RNF150: variants seen among roughly 807,000 people sequenced by gnomAD.
RNF150 encodes the protein ring finger protein 150.
Under a neutral mutation model 39.3 loss-of-function variants are expected in RNF150, and 24 were observed. The observed-to-expected ratio is 0.61, with a 90% CI of 0.44 to 0.86. The LOEUF is 0.86. RNF150 is among the 40% of genes least tolerant of loss of function. The pLI, the probability that RNF150 is intolerant of heterozygous loss-of-function variation, is 0.00. For missense variants in RNF150, 502 were observed against 587.8 expected, an observed-to-expected ratio of 0.85 and a Z score of 1.51; for synonymous variants, 255 against 227.3, an observed-to-expected ratio of 1.12 and a Z score of -1.10.
chr4:141,209,758 G>A (rs1254399268), intron 1 of RNF150, among the ~76,000 whole-genome samples: 2 of 151,924 alleles, frequency 1.3e-5, no homozygotes, highest in African/African-American at 4.8e-5. Context: ...CCAAAATGGG[G>A]GGGTATCTAT....
intron 1 of RNF150, among the ~76,000 whole-genome samples, chr4:141,152,387 A>G (rs1169926984): frequency 6.6e-6 from 1 of 152,228 alleles, no homozygotes; most frequent in Non-Finnish European, 1.5e-5. Flanking sequence ...TTAGGAGGGA[A>G]TATTCCATCC....
At chr4:140,975,365 T>G (rs1733624564) in intron 1 of RNF150, among the ~76,000 whole-genome samples, 1 of 152,210 alleles carries the variant, frequency 6.6e-6, no homozygotes, top group Non-Finnish European at 1.5e-5. Flanking sequence ...GGTGAGTTTG[T>G]GCAGATTTTG....
At chr4:141,010,643 C>T (rs1735041418) in intron 1 of RNF150, among the ~76,000 whole-genome samples, 2 of 152,146 alleles carry the variant, frequency 1.3e-5, no homozygotes, top group South Asian at 4.1e-4. Flanking sequence ...CTTCTCTTTC[C>T]AACCCTGATC....
At chr4:140,958,275 C>T (rs761343389) in intron 2 of RNF150, among the ~76,000 whole-genome samples, 10 of 151,952 alleles carry the variant, frequency 6.6e-5, no homozygotes, top group Non-Finnish European at 1.3e-4. Context: ...CTCATGGATG[C>T]TGAGGGATAA....
At chr4:140,892,267 C>A (rs1456358571) in intron 6 of RNF150, among the ~76,000 whole-genome samples, 3 of 152,104 alleles carry the variant, frequency 2.0e-5, no homozygotes, top group African/African-American at 7.2e-5. Context: ...AGTTGTTGAA[C>A]CCCCTCATTT....
At chr4:140,869,191 G>A (rs1393138676) in intron 6 of RNF150, among the ~76,000 whole-genome samples, 1 of 152,158 alleles carries the variant, frequency 6.6e-6, no homozygotes, top group Non-Finnish European at 1.5e-5. Flanking sequence ...TACTTCTAAA[G>A]GACAATGTTG....
At position 141,185,758 on chromosome 4, in the gene RNF150, G is replaced by A. The variant is rs570108522; in HGVS notation, c.-6+27036C>T. ...GCATGAAGGGGTGTTGAATTTTATC[G>A]AAAGCCTTTTCTGCATCTATTGAGA... On this transcript the variant is annotated intron_variant, in intron 1 of 7. Coordinates refer to the RNF150 transcript ENST00000420921. Among the ~76,000 whole-genome samples the A allele has an allele frequency of 1.7e-4, 26 of 152,214 alleles. No homozygotes were observed. In the South Asian group the frequency reaches 3.5e-3, roughly 21 times the overall value.
At chr4:141,073,993 G>A (rs1436163988) in intron 1 of RNF150, among the ~76,000 whole-genome samples, 1 of 151,888 alleles carries the variant, frequency 6.6e-6, no homozygotes, top group East Asian at 1.9e-4. Flanking sequence ...CTGTTCCTGA[G>A]ACTCCCCCAT....
chr4:141,007,688 G>A (rs1041135559), intron 1 of RNF150, among the ~76,000 whole-genome samples: 4 of 152,180 alleles, frequency 2.6e-5, no homozygotes, highest in Admixed American at 2.6e-4. Flanking sequence ...AGATTCAAAA[G>A]TTGATATGGT....
At chr4:141,129,340 T>G (rs1001128985) in intron 1 of RNF150, among the ~76,000 whole-genome samples, 3 of 152,232 alleles carry the variant, frequency 2.0e-5, no homozygotes, top group African/African-American at 7.2e-5. Flanking sequence ...AAGATTATGC[T>G]AAATCAAAGA....
At chr4:141,125,596 G>C (rs990490884) in intron 1 of RNF150, among the ~76,000 whole-genome samples, 3 of 152,116 alleles carry the variant, frequency 2.0e-5, no homozygotes, top group Admixed American at 6.5e-5. Flanking sequence ...TTAATGTCCA[G>C]AAATGCAACA....
At position 141,153,251 on chromosome 4, in the gene RNF150, A is replaced by G. The variant is rs1177559204; in HGVS notation, c.-6+59543T>C. Reference sequence around the variant, plus strand: ...AATTCATTTATTGATTCGTTTATTGAAGTCCTAACTCCCAGTACCACAGAT... The same window carrying G: ...AATTCATTTATTGATTCGTTTATTGGAGTCCTAACTCCCAGTACCACAGAT... On this transcript the variant is annotated intron_variant, in intron 1 of 7. Coordinates refer to the RNF150 transcript ENST00000420921. 2.6e-5 allele frequency among the ~76,000 whole-genome samples: 4 copies of G among 152,256 alleles called. No individual in the cohort carries two copies. The East Asian group carries it at 7.7e-4, about 29-fold the overall frequency.
chr4:141,051,350 T>G (rs1736771106), intron 1 of RNF150, among the ~76,000 whole-genome samples: 1 of 152,220 alleles, frequency 6.6e-6, no homozygotes, highest in Admixed American at 6.5e-5. Flanking sequence ...CTTATGCAAA[T>G]TTTTGCAGCT....
intron 1 of RNF150, among the ~76,000 whole-genome samples, chr4:141,014,792 T>A (rs1316022460): frequency 6.9e-6 from 1 of 144,506 alleles, no homozygotes; most frequent in Admixed American, 7.0e-5. Context: ...TCCTTTACTT[T>A]GTTGTTTCCT....
At chr4:141,148,131 A>G (rs1041948594) in intron 1 of RNF150, among the ~76,000 whole-genome samples, 6 of 152,168 alleles carry the variant, frequency 3.9e-5, no homozygotes, top group African/African-American at 1.4e-4. Context: ...GAGACTCTCT[A>G]CTTGTGTTTC....
rs1163903057 is a variant in RNF150, at chr4:140,866,639, T to C, written c.*1622A>G. The C allele has an allele frequency of 1.3e-5, 2 of 152,210 alleles. No homozygotes were observed. Among genetic ancestry groups the C allele is most frequent in the Admixed American group, 6.5e-5 (1 of 15,276 alleles). The allele number at this position is 152,210 out of a possible 1,614,324, so 9.4% of individuals were successfully genotyped here. ...CATGTTTCAGCAGGCGGCAAGGATT[T>C]ACAGCAGAACCAAACTCTTTTTGAA... On this transcript the variant is annotated 3_prime_UTR_variant, in exon 7 of 7. Transcript: ENST00000515673.
chr4:141,057,389 T>A (rs1318629285), intron 1 of RNF150, among the ~76,000 whole-genome samples: 1 of 151,962 alleles, frequency 6.6e-6, no homozygotes, highest in Non-Finnish European at 1.5e-5. Context: ...AGCAAAAAGG[T>A]TCATGGTGTT....
chr4:140,923,414 C>T (rs1421357899), intron 5 of RNF150, among the ~76,000 whole-genome samples: 3 of 152,164 alleles, frequency 2.0e-5, no homozygotes. Context: ...ATCAAAACCA[C>T]AATGAGATAC....
intron 4 of RNF150, among the ~76,000 whole-genome samples, chr4:140,934,051 C>T (rs1731746164): frequency 6.6e-6 from 1 of 152,056 alleles, no homozygotes; most frequent in Non-Finnish European, 1.5e-5. Flanking sequence ...GTTCTATTGC[C>T]CAGCTGGACA....
Sources: allele counts gnomAD v4.1 joint callset (sites outside exome capture counted in the v4.1 genomes callset), GRCh38; gene constraint gnomAD v4.1.1; transcripts MANE v1.5; gene names NCBI Gene and HGNC (gene_info 2026-07-23, HGNC 2026-07-21).